The following RSU1 variants were observed in gnomAD, a reference collection of about 807,000 sequenced individuals.
RSU1 encodes the protein rsu-1.
A neutral mutation model predicts 31.1 loss-of-function variants in RSU1; 26 were observed. The ratio of observed to expected loss-of-function variants is 0.84; its 90% CI spans 0.61 to 1.16. RSU1 has a LOEUF of 1.16. RSU1 is among the 50% of genes most tolerant of loss of function. The pLI, the probability that RSU1 is intolerant of heterozygous loss-of-function variation, is 0.00. For synonymous variants in RSU1, 164 were observed against 136.3 expected, an observed-to-expected ratio of 1.20 and a Z score of -1.41; for missense variants, 320 against 339.1, an observed-to-expected ratio of 0.94 and a Z score of 0.44.
chr10:16,779,816 A>G (rs1837612435), intron 3 of RSU1, among the ~76,000 whole-genome samples: 1 of 152,228 alleles, frequency 6.6e-6, no homozygotes, highest in Non-Finnish European at 1.5e-5. Flanking sequence ...AAACACTTGA[A>G]AAACCATAGC....
chr10:16,661,250 G>A (rs1834883047), intron 8 of RSU1, among the ~76,000 whole-genome samples: 1 of 150,790 alleles, frequency 6.6e-6, no homozygotes, highest in Admixed American at 6.6e-5. Flanking sequence ...ATTTTTCATT[G>A]CTTCCCTGAG....
At chr10:16,768,501 C>CAGAT (rs1302691186) in intron 3 of RSU1, among the ~76,000 whole-genome samples, 2 of 127,596 alleles carry the variant, frequency 1.6e-5, no homozygotes, top group Non-Finnish European at 3.2e-5. Context: ...CCAGAGGACT[C>CAGAT]AGATATCCCC....
intron 7 of RSU1, among the ~76,000 whole-genome samples, chr10:16,719,161 C>T (rs906026712): frequency 6.6e-6 from 1 of 151,766 alleles, no homozygotes; most frequent in Non-Finnish European, 1.5e-5. Flanking sequence ...ATAAAAAATT[C>T]GCCGAGTGTG....
intron 7 of RSU1, among the ~76,000 whole-genome samples, chr10:16,743,812 G>A (rs779200578): frequency 4.6e-5 from 7 of 151,878 alleles, no homozygotes; most frequent in South Asian, 2.1e-4. Flanking sequence ...GTTAATAATC[G>A]CACTACATCT....
chr10:16,808,596 C>G (rs914439582), intron 2 of RSU1, among the ~76,000 whole-genome samples: 1 of 151,660 alleles, frequency 6.6e-6, no homozygotes, highest in African/African-American at 2.4e-5. Context: ...CTATAAAATG[C>G]TGACGGTAGG....
intron 8 of RSU1, among the ~76,000 whole-genome samples, chr10:16,681,923 T>C (rs533005714): frequency 2.0e-5 from 3 of 152,298 alleles, no homozygotes; most frequent in African/African-American, 7.2e-5. Flanking sequence ...TCCCCTTCTT[T>C]TTTCCTTAGT....
chr10:16,775,727 C>G (rs930298252), intron 3 of RSU1, among the ~76,000 whole-genome samples: 3 of 152,144 alleles, frequency 2.0e-5, no homozygotes, highest in Non-Finnish European at 4.4e-5. Flanking sequence ...TTATGGTAAC[C>G]TGACTACCGG....
intron 7 of RSU1, among the ~76,000 whole-genome samples, chr10:16,728,395 T>G (rs1750542880): frequency 6.6e-6 from 1 of 152,084 alleles, no homozygotes. Flanking sequence ...CCTACACCCT[T>G]CATCATACCC....
intron 8 of RSU1, among the ~76,000 whole-genome samples, chr10:16,636,707 T>C (rs1834349492): frequency 6.6e-6 from 1 of 152,204 alleles, no homozygotes; most frequent in African/African-American, 2.4e-5. Flanking sequence ...CTCTCTCCTG[T>C]GTGAAGCTGC....
In RSU1 at chr10:16,643,908, A is replaced by G. The variant is rs75110253; in HGVS notation, c.732-50412T>C. Among the ~76,000 whole-genome samples the G allele has an allele frequency of 6.2e-3, 949 of 152,172 alleles. 48 individuals carry two copies. In the East Asian group the frequency reaches 0.1, roughly 16 times the overall value. ...AAGTGAAGATTTTTTTTTTTAAAAA[A>G]ACTTGTCATTATTCTCTAACCAATA... On this transcript the variant is annotated intron_variant, in intron 8 of 8. Transcript: ENST00000345264.
chr10:16,808,166 A>C (rs1444744757), intron 2 of RSU1, among the ~76,000 whole-genome samples: 1 of 151,700 alleles, frequency 6.6e-6, no homozygotes, highest in Non-Finnish European at 1.5e-5. Context: ...CACACAGCAA[A>C]CCTTTCAGAC....
chr10:16,674,204 G>A (rs904695830), intron 8 of RSU1, among the ~76,000 whole-genome samples: 3 of 152,126 alleles, frequency 2.0e-5, no homozygotes, highest in East Asian at 3.9e-4. Flanking sequence ...CTGTGTGCAG[G>A]AGTTTCTTTC....
At chr10:16,641,491 C>CAA (rs59893762) in intron 8 of RSU1, among the ~76,000 whole-genome samples, 1,497 of 114,348 alleles carry the variant, frequency 0.013, 30 homozygotes, top group African/African-American at 0.043. Flanking sequence ...GACTTTATCT[C>CAA]AAAAAAAAAA....
chr10:16,777,578 C>G (rs1402865774), intron 3 of RSU1, among the ~76,000 whole-genome samples: 1 of 152,152 alleles, frequency 6.6e-6, no homozygotes, highest in Non-Finnish European at 1.5e-5. Flanking sequence ...GGTTTCTAAT[C>G]TTTAGGTACA....
chr10:16,809,379 T>A (rs879796212), intron 2 of RSU1, among the ~76,000 whole-genome samples: 1 of 152,164 alleles, frequency 6.6e-6, no homozygotes, highest in African/African-American at 2.4e-5. Context: ...CCATTAAGAC[T>A]CCATCTCTCT....
At chr10:16,745,620 G>T (rs573931975) in intron 7 of RSU1, among the ~76,000 whole-genome samples, 3 of 149,142 alleles carry the variant, frequency 2.0e-5, no homozygotes, top group African/African-American at 7.3e-5. Flanking sequence ...TCACAAGAAC[G>T]GCACAGGAAA....
At chr10:16,604,240 C>A (rs1833761222) in intron 8 of RSU1, among the ~76,000 whole-genome samples, 1 of 152,180 alleles carries the variant, frequency 6.6e-6, no homozygotes, top group African/African-American at 2.4e-5. Flanking sequence ...TAGATCGAAG[C>A]AGAAACATGA....
At chr10:16,621,622 G>A (rs775582760) in intron 8 of RSU1, among the ~76,000 whole-genome samples, 1 of 152,236 alleles carries the variant, frequency 6.6e-6, no homozygotes, top group African/African-American at 2.4e-5. Context: ...AATCACGGTG[G>A]AAGGTGGAGT....
At chr10:16,649,683 G>A (rs1181708187) in intron 8 of RSU1, among the ~76,000 whole-genome samples, 1 of 151,982 alleles carries the variant, frequency 6.6e-6, no homozygotes, top group Non-Finnish European at 1.5e-5. Context: ...ACTATTTACT[G>A]AATTTAGTAT....
Sources: gnomAD v4.1 joint callset for allele counts (sites outside exome capture counted in the v4.1 genomes callset) on GRCh38, gnomAD v4.1.1 for gene constraint, MANE v1.5 for transcripts, NCBI Gene and HGNC (gene_info 2026-07-23, HGNC 2026-07-21) for gene names.